The following TACC2 variants were observed in gnomAD, a reference collection of about 807,000 sequenced individuals.
TACC2 encodes the protein transforming acidic coiled-coil containing protein 2.
Under a neutral mutation model 227.3 loss-of-function variants are expected in TACC2, and 137 were observed. The observed-to-expected ratio is 0.60, with a 90% CI of 0.52 to 0.69. TACC2 has a LOEUF of 0.69. Among genes scored for constraint, TACC2 ranks in the 30% least tolerant of loss-of-function variants. The pLI is 0.00. For synonymous variants in TACC2, 1,523 were observed against 1,487.5 expected (o/e 1.02, Z -0.55); for missense variants, 3,470 against 3,694.4 (o/e 0.94, Z 1.57).
chr10:122,237,467 G>A lies in TACC2; in HGVS notation c.8200G>A (p.Val2734Met). The A allele has an allele frequency of 6.2e-7, 1 of 1,614,150 alleles. No homozygotes were observed. The highest frequency in any genetic ancestry group is 8.5e-7 in the Non-Finnish European group (1 of 1,180,014). Residue 2734 changes from valine to methionine, a missense_variant, in exon 17 of 23, where the codon GTG (valine) becomes ATG (methionine). Val to Met is a conservative substitution (Grantham distance 21, BLOSUM62 1). This residue lies in a region of TACC2 where 345 missense variants were observed against 354.4 expected (regional missense o/e 0.97). Transcript: ENST00000369005. ...GTACTCCCGCATCGGGACCGCTGAG[G>A]TGGAGAAACCTGCAGGCCTTCTGTT... is the stretch of plus-strand genomic sequence containing the variant. ...ALYSRIGTAE[V>M]EKPAGLLFQQ... is the part of the protein sequence containing the mutation.
intron 7 of TACC2, among the ~76,000 whole-genome samples, chr10:122,181,523 A>G (rs1447967993): frequency 2.0e-5 from 3 of 152,174 alleles, no homozygotes; most frequent in Non-Finnish European, 4.4e-5. Flanking sequence ...TCTACTACCT[A>G]CTGTTGCCCA....
Position 122,068,086 on chromosome 10 carries a change from T to C in TACC2, c.147-14561T>C, listed in dbSNP as rs188326596. Reference sequence around the variant, plus strand: ...CTATATCTTGAAGTTCACTAATCTTTTTCTCTGCAGTGGCTAACCTGTCAT... The same window carrying C: ...CTATATCTTGAAGTTCACTAATCTTCTTCTCTGCAGTGGCTAACCTGTCAT... On this transcript the variant is annotated intron_variant, in intron 3 of 22. Transcript: ENST00000369005. Among the ~76,000 whole-genome samples the C allele has an allele frequency of 5.7e-3, 866 of 152,304 alleles. 3 individuals carry two copies. The highest frequency in any genetic ancestry group is 0.027 in the South Asian group (128 of 4,818).
intron 5 of TACC2, among the ~76,000 whole-genome samples, chr10:122,096,198 A>T (rs950256177): frequency 1.3e-5 from 2 of 152,112 alleles, no homozygotes; most frequent in Non-Finnish European, 2.9e-5. Context: ...GATCAGCAGG[A>T]GGTGTCTTTC....
Position 122,150,238 on chromosome 10 carries a change from C to T in TACC2, c.5834+6532C>T, listed in dbSNP as rs962927910. Among the ~76,000 whole-genome samples the T allele has an allele frequency of 1.1e-4, 16 of 152,224 alleles. No homozygotes were observed. The highest frequency in any genetic ancestry group is 3.9e-4 in the African/African-American group (16 of 41,462). ...CGCCATCTGGGCGGCAGTCCCACGGCCCCTAGAGCAGCTGGGAAGGGGATC... is the reference window on the plus strand; with the variant it reads ...CGCCATCTGGGCGGCAGTCCCACGGTCCCTAGAGCAGCTGGGAAGGGGATC... On this transcript the variant is annotated intron_variant, in intron 7 of 22. Transcript: ENST00000369005. The surrounding 1 kb of genome is among the most constrained non-coding windows in gnomAD (Gnocchi z 4.0).
intron 7 of TACC2, among the ~76,000 whole-genome samples, chr10:122,181,658 C>T (rs1418443507): frequency 6.6e-6 from 1 of 152,194 alleles, no homozygotes; most frequent in Non-Finnish European, 1.5e-5. Context: ...CTGTTTTCTC[C>T]TACAAGATGT....
chr10:122,227,479 G>A (rs1187542011), intron 13 of TACC2, among the ~76,000 whole-genome samples: 1 of 152,190 alleles, frequency 6.6e-6, no homozygotes, highest in Non-Finnish European at 1.5e-5. Flanking sequence ...TGCTTTACAG[G>A]CATGCAGCAT....
At position 122,194,982 on chromosome 10, in the gene TACC2, G is replaced by A. The variant is rs1001587111; in HGVS notation, c.5835-58G>A. ...GGCTCTGGGTGCGAAGGCCACACCG[G>A]CTCAGCAGAACTGGCTCTGGGCCCC... is the stretch of plus-strand genomic sequence containing the variant. On this transcript the variant is annotated intron_variant, in intron 7 of 22. Coordinates refer to ENST00000369005, the MANE Select transcript of TACC2 (RefSeq NM_206862.4). This position sits in a 1 kb window ranked among gnomAD's most constrained non-coding sequence, Gnocchi z 4.4. 3.9e-6 allele frequency: 6 copies of A among 1,548,214 alleles called. No homozygotes were observed. The highest frequency in any genetic ancestry group is 4.4e-6 in the Non-Finnish European group (5 of 1,142,098).
At chr10:121,994,438 G>A (rs1953184903) in intron 1 of TACC2, among the ~76,000 whole-genome samples, 2 of 152,226 alleles carry the variant, frequency 1.3e-5, no homozygotes, top group South Asian at 2.1e-4. Flanking sequence ...GAGGCTGGCG[G>A]CACCTGCAGG....
intron 7 of TACC2, among the ~76,000 whole-genome samples, chr10:122,153,064 C>T (rs910621622): frequency 2.8e-5 from 4 of 143,048 alleles, no homozygotes; most frequent in South Asian, 2.2e-4. Context: ...GGTGTGATCT[C>T]GGCTCACTGC....
chr10:122,167,618 C>T (rs2139975454), intron 7 of TACC2, among the ~76,000 whole-genome samples: 1 of 152,248 alleles, frequency 6.6e-6, no homozygotes, highest in East Asian at 1.9e-4. Context: ...GGTTCTGGTC[C>T]CTTCCCTTAT....
intron 2 of TACC2, among the ~76,000 whole-genome samples, chr10:122,045,039 G>A (rs913476118): frequency 6.6e-6 from 1 of 152,112 alleles, no homozygotes. Flanking sequence ...TCTCTAAGAC[G>A]GGGAACAGGA....
intron 22 of TACC2, among the ~76,000 whole-genome samples, chr10:122,251,965 A>G (rs1381999372): frequency 6.6e-6 from 1 of 152,226 alleles, no homozygotes; most frequent in African/African-American, 2.4e-5. Context: ...GAGATTCAGA[A>G]ACATGATTCA....
intron 3 of TACC2, among the ~76,000 whole-genome samples, chr10:122,071,132 G>T (rs2078010878): frequency 6.6e-6 from 1 of 152,082 alleles, no homozygotes. Flanking sequence ...CAAATCCCTT[G>T]ATTTGGGCTT....
intron 7 of TACC2, among the ~76,000 whole-genome samples, chr10:122,190,616 G>A (rs935876310): frequency 4.6e-5 from 7 of 151,980 alleles, no homozygotes; most frequent in Non-Finnish European, 4.4e-5. Context: ...AGATTAATTC[G>A]GTTGGTACAG....
intron 2 of TACC2, among the ~76,000 whole-genome samples, chr10:122,028,065 C>CTTTTTTCTTTCTTTCTTTCTTTTTTTT (rs1958287701): frequency 8.7e-6 from 1 of 114,326 alleles, no homozygotes; most frequent in African/African-American, 3.9e-5. Context: ...TTCTTTTTTT[C>CTTTTTTCTTTCTTTCTTTCTTTTTTTT]TTTTTTCTTT....
In TACC2 at chr10:122,141,713, A is replaced by G. The variant is rs2090589229; in HGVS notation, c.5700-1859A>G. ...CACCCGCCACTGTTTTCTAAGACAG[A>G]GATCCTTCCTTGCAGTTTGATAAAC... On this transcript the variant is annotated intron_variant, in intron 6 of 22. Transcript: ENST00000369005. The surrounding 1 kb of genome is among the most constrained non-coding windows in gnomAD (Gnocchi z 4.3). 1.3e-5 allele frequency among the ~76,000 whole-genome samples: 2 copies of G among 152,158 alleles called. No homozygotes were observed. Among genetic ancestry groups the G allele is most frequent in the South Asian group, 4.1e-4 (2 of 4,822 alleles).
intron 2 of TACC2, among the ~76,000 whole-genome samples, chr10:122,047,512 C>T (rs2075159432): frequency 6.6e-6 from 1 of 152,146 alleles, no homozygotes; most frequent in Non-Finnish European, 1.5e-5. Flanking sequence ...AACCCCAGGT[C>T]AGCAGCCCCC....
At chr10:122,034,927 C>CAAA (rs66566854) in intron 2 of TACC2, among the ~76,000 whole-genome samples, 1 of 116,202 alleles carries the variant, frequency 8.6e-6, no homozygotes, top group Non-Finnish European at 1.8e-5. Context: ...GACTCCATCT[C>CAAA]AAAAAAAAAA....
chr10:122,230,173 T>A (rs918141018), intron 15 of TACC2, among the ~76,000 whole-genome samples, 178 bp from the exon 16 acceptor site: 1 of 152,252 alleles, frequency 6.6e-6, no homozygotes, highest in Non-Finnish European at 1.5e-5. Flanking sequence ...AAAAGGAAAT[T>A]AAATGCTTAT....
Sources: allele counts gnomAD v4.1 joint callset (sites outside exome capture counted in the v4.1 genomes callset), GRCh38; gene constraint gnomAD v4.1.1; regional missense constraint gnomAD v4.1.1; non-coding constraint Gnocchi (gnomAD v3.1); transcripts MANE v1.5; gene names NCBI Gene and HGNC (gene_info 2026-07-23, HGNC 2026-07-21).